Variants in SPEG observed in about 807,000 individuals in gnomAD.
The protein encoded by SPEG is striated muscle preferentially expressed protein kinase.
A neutral mutation model predicts 300.4 loss-of-function variants in SPEG; 114 were observed. The ratio of observed to expected loss-of-function variants is 0.38; its 90% confidence interval spans 0.33 to 0.44. The LOEUF is 0.44. Among genes scored for constraint, SPEG ranks in the 20% least tolerant of loss-of-function variants. The probability of loss-of-function intolerance (pLI) is 1.00; values close to 1 mark genes in which losing one functional copy is unlikely to be tolerated. For synonymous variants in SPEG, 1,964 were observed against 2,018.9 expected (o/e 0.97, Z 0.73); for missense variants, 4,201 against 4,586.2 (o/e 0.92, Z 2.43).
chr2:219,443,655 G>A lies in SPEG; in HGVS notation c.389-998G>A. Reference sequence around the variant, plus strand: ...GATAAGGGGTTGGTTTGCAAAGAGGGGTCAAAGCACAATGCAAATATTGTA... The same window carrying A: ...GATAAGGGGTTGGTTTGCAAAGAGGAGTCAAAGCACAATGCAAATATTGTA... On this transcript the variant is annotated intron_variant, in intron 1 of 40. Coordinates refer to ENST00000312358, the MANE Select transcript of SPEG (RefSeq NM_005876.5). The surrounding 1 kb of genome is among the most constrained non-coding windows in gnomAD (Gnocchi z 4.6). The A allele has an allele frequency of 3.2e-6, 1 of 312,538 alleles. No individual in the cohort carries two copies. The highest frequency in any genetic ancestry group is 6.3e-6 in the Non-Finnish European group (1 of 157,924). 19.4% of individuals were successfully genotyped at this position (312,538 alleles called of 1,614,324 possible).
At position 219,483,706 on chromosome 2, in the gene SPEG, T is replaced by C. The variant is rs375825344; in HGVS notation, c.6243T>C (p.Asp2081=). Reference sequence around the variant, plus strand: ...GGCTGCTGCGGGGAGGCCCCGAGGATGGCAAGGTCAGCGGCCTCAGGGGTC... The same window carrying C: ...GGCTGCTGCGGGGAGGCCCCGAGGACGGCAAGGTCAGCGGCCTCAGGGGTC... The part of the protein sequence containing the change: ...RQRLLRGGPE[D]GKVSGLRGPL... The change falls in exon 30 of 41, where the codon GAT becomes GAC. Residue 2081 remains aspartate (D), a synonymous_variant. Coordinates refer to ENST00000312358, the MANE Select transcript of SPEG (RefSeq NM_005876.5). 484 of 1,534,150 alleles carry C rather than the reference T, an allele frequency of 3.2e-4. 3 individuals carry two copies. In the African/African-American group the frequency reaches 5.7e-3, roughly 18 times the overall value.
In SPEG at chr2:219,443,245, C is replaced by G. The variant is rs1689058265; in HGVS notation, c.389-1408C>G. 1 of 1,254,814 alleles carries G rather than the reference C, an allele frequency of 8.0e-7. No individual in the cohort carries two copies. The highest frequency in any genetic ancestry group is 1.2e-6 in the Non-Finnish European group (1 of 853,068). The allele number at this position is 1,254,814 out of a possible 1,614,324, so 77.7% of individuals were successfully genotyped here. On this transcript the variant is annotated intron_variant, in intron 1 of 40. Transcript: ENST00000312358. The surrounding 1 kb of genome is among the most constrained non-coding windows in gnomAD (Gnocchi z 4.6). ...AGGCATCGAGTTCCTGAAGACAGCCCATGAGATGTGGAACCCTCCCACTCA... is the reference window on the plus strand; with the variant it reads ...AGGCATCGAGTTCCTGAAGACAGCCGATGAGATGTGGAACCCTCCCACTCA...
chr2:219,479,687 C>A lies in SPEG; in HGVS notation c.5086-96C>A. On this transcript the variant is annotated intron_variant, in intron 23 of 40. Coordinates refer to ENST00000312358, the MANE Select transcript of SPEG (RefSeq NM_005876.5). The surrounding 1 kb of genome is among the most constrained non-coding windows in gnomAD (Gnocchi z 5.5). Reference sequence around the variant, plus strand: ...GCCCCTTCCACGAGCCATCTGAAGGCTACTCCACAGGCACAGCCGGACCGC... The same window carrying A: ...GCCCCTTCCACGAGCCATCTGAAGGATACTCCACAGGCACAGCCGGACCGC... 8.9e-7 allele frequency: 1 copy of A among 1,117,846 alleles called. No individual in the cohort carries two copies. Among genetic ancestry groups the A allele is most frequent in the South Asian group, 1.3e-5 (1 of 79,610 alleles). The allele number at this position is 1,117,846 out of a possible 1,614,324, so 69.2% of individuals were successfully genotyped here. A position where few individuals can be genotyped will look rare whatever the true frequency, so the allele number is the denominator to read the frequency against.
At chr2:219,460,919 C>T (rs1559382922) in intron 6 of SPEG, 27 of 986,034 alleles carry the variant, frequency 2.7e-5, no homozygotes, top group Non-Finnish European at 3.1e-5. Flanking sequence ...GGGCAGTGGG[C>T]AGGCAGCAGG....
intron 6 of SPEG, among the ~76,000 whole-genome samples, chr2:219,460,047 A>C (rs1690520686): frequency 6.6e-6 from 1 of 152,166 alleles, no homozygotes; most frequent in South Asian, 2.1e-4. Flanking sequence ...ATGGGTTCTC[A>C]TGATAAGGGG....
At chr2:219,449,374 C>T (rs900137717) in intron 4 of SPEG, 103 bp downstream of exon 4, 18 of 936,322 alleles carry the variant, frequency 1.9e-5, no homozygotes, top group Non-Finnish European at 2.6e-5. Flanking sequence ...GGGGTTTCGC[C>T]TGGGGCTGCT....
At chr2:219,463,255 C>T (rs1690903226) in intron 8 of SPEG, among the ~76,000 whole-genome samples, 2 of 152,006 alleles carry the variant, frequency 1.3e-5, no homozygotes, top group South Asian at 4.2e-4. Context: ...CTGCCAGCAG[C>T]CCCGAGTTAA....
intron 13 of SPEG, chr2:219,471,572 G>A (rs1376056163): frequency 1.2e-5 from 5 of 419,790 alleles, no homozygotes; most frequent in East Asian, 4.9e-5. Context: ...GACCCCAGAG[G>A]GTGGCCCAGT....
intron 3 of SPEG, among the ~76,000 whole-genome samples, chr2:219,446,774 CT>C (rs905761785): frequency 6.6e-6 from 1 of 152,154 alleles, no homozygotes; most frequent in African/African-American, 2.4e-5. Context: ...GGCATTTAAT[CT>C]TTTTTATGCC....
In SPEG at chr2:219,439,351, A is replaced by G. The variant is rs182675138; in HGVS notation, c.388+3986A>G. Among the ~76,000 whole-genome samples the G allele has an allele frequency of 1.9e-3, 297 of 152,308 alleles. 1 individual carries two copies. The highest frequency in any genetic ancestry group is 3.6e-3 in the Non-Finnish European group (242 of 68,024). On this transcript the variant is annotated intron_variant, in intron 1 of 40. Coordinates refer to ENST00000312358, the MANE Select transcript of SPEG (RefSeq NM_005876.5). The surrounding 1 kb of genome is among the most constrained non-coding windows in gnomAD (Gnocchi z 4.5). ...AGGGAGACCAAAATTTATGTCCTCC[A>G]GGGGATAACTTTCTAGTGAGGGGAG...
rs928913764 is a variant in SPEG at position 219,480,524 on chromosome 2, T to C, written c.5343-147T>C. 2.5e-6 allele frequency: 2 copies of C among 802,876 alleles called. No homozygotes were observed. The highest frequency in any genetic ancestry group is 2.1e-6 in the Non-Finnish European group (1 of 467,378). The allele number at this position is 802,876 out of a possible 1,614,324, so 49.7% of individuals were successfully genotyped here. A position where few individuals can be genotyped will look rare whatever the true frequency, so the allele number is the denominator to read the frequency against. On this transcript the variant is annotated intron_variant, in intron 25 of 40. Coordinates refer to ENST00000312358, the MANE Select transcript of SPEG (RefSeq NM_005876.5). This position sits in a 1 kb window ranked among gnomAD's most constrained non-coding sequence, Gnocchi z 5.3. ...ATCTGGACCTGTAGGTTCAGGGTCC[T>C]CCCTGAAGAAGCCACTCCTGTGCCC...
rs1689748410 is a variant in SPEG, at chr2:219,451,552, G to A, written c.2258-73G>A. 7 of 1,382,006 alleles carry A rather than the reference G, an allele frequency of 5.1e-6. No homozygotes were observed. The South Asian group carries it at 1.0e-4, about 20-fold the overall frequency. The allele number at this position is 1,382,006 out of a possible 1,614,324, so 85.6% of individuals were successfully genotyped here. A position where few individuals can be genotyped will look rare whatever the true frequency, so the allele number is the denominator to read the frequency against. ...AGAGGTTTGGTCTCCTGTGTGGTGT[G>A]TGGGGTAGGAGTAGAGATTCTCAGT... On this transcript the variant is annotated intron_variant, in intron 5 of 40. Coordinates refer to ENST00000312358, the MANE Select transcript of SPEG (RefSeq NM_005876.5). This position sits in a 1 kb window ranked among gnomAD's most constrained non-coding sequence, Gnocchi z 6.4.
Position 219,489,318 on chromosome 2 carries a change from A to AT in SPEG, c.8318-14dup, listed in dbSNP as rs768393415. ...CTTGCCCCAAGGCACCACGGTGATGATTTTCTCTCTCTCTTAGATTCTTCA... is the reference window on the plus strand; with the variant it reads ...CTTGCCCCAAGGCACCACGGTGATGATTTTTCTCTCTCTCTTAGATTCTTCA... On this transcript the variant is annotated splice_polypyrimidine_tract_variant and intron_variant, in intron 35 of 40. Transcript: ENST00000312358. 2 of 1,612,952 alleles carry AT rather than the reference A, an allele frequency of 1.2e-6. No individual in the cohort carries two copies. Among genetic ancestry groups the AT allele is most frequent in the Non-Finnish European group, 1.7e-6 (2 of 1,179,696 alleles).
Position 219,473,102 on chromosome 2 carries a change from C to G in SPEG, c.4147+6C>G, listed in dbSNP as rs199897861. 141 of 1,612,218 alleles carry G rather than the reference C, an allele frequency of 8.7e-5. 1 individual carries two copies. In the African/African-American group the frequency reaches 1.7e-3, roughly 20 times the overall value. ...TGTGCAGCTGCTGGAGCACGGTGAG[C>G]CTGGGTGCTCCTGTCGGGTGGGGGT... On this transcript the variant is annotated splice_donor_region_variant and intron_variant, in intron 16 of 40. Coordinates refer to ENST00000312358, the MANE Select transcript of SPEG (RefSeq NM_005876.5). The surrounding 1 kb of genome is among the most constrained non-coding windows in gnomAD (Gnocchi z 4.6).
rs1691652011 is a variant in SPEG, at chr2:219,469,203, G to T, written c.3539G>T (p.Gly1180Val). ...TCCATTCCCGAGGAGCCAGAGCAGG[G>T]TGAGCTGGAGCGGCTGTCCATTCCT... ...MPSIPEEPEQGELERLSIPDF... is the reference protein window; with the variant it reads ...MPSIPEEPEQVELERLSIPDF... The change falls in exon 13 of 41, where the codon GGT becomes GTT. Residue 1180 changes from glycine to valine, a missense_variant. Transcript: ENST00000312358. 6.2e-7 allele frequency: 1 copy of T among 1,613,592 alleles called. No individual in the cohort carries two copies. Among genetic ancestry groups the T allele is most frequent in the African/African-American group, 1.3e-5 (1 of 74,912 alleles).
At position 219,459,371 on chromosome 2, in the gene SPEG, A is replaced by T. The variant is rs1471355522; in HGVS notation, c.2441-2511A>T. Among the ~76,000 whole-genome samples, 1 of 152,168 alleles carries T rather than the reference A, an allele frequency of 6.6e-6. No individual in the cohort carries two copies. The highest frequency in any genetic ancestry group is 1.5e-5 in the Non-Finnish European group (1 of 68,024). ...TTTTTGCTATGTGGCCAGGGAAAAA[A>T]CTAGGTGGCACCGGATTCTGGTATG... On this transcript the variant is annotated intron_variant, in intron 6 of 40. Coordinates refer to ENST00000312358, the MANE Select transcript of SPEG (RefSeq NM_005876.5). The surrounding 1 kb of genome is among the most constrained non-coding windows in gnomAD (Gnocchi z 4.9).
intron 8 of SPEG, among the ~76,000 whole-genome samples, chr2:219,463,684 G>A (rs546716595): frequency 4.6e-5 from 7 of 150,752 alleles, no homozygotes; most frequent in African/African-American, 1.5e-4. Context: ...GGGATTACAG[G>A]CATGAACCAC....
At chr2:219,441,998 G>C (rs1032179281) in intron 1 of SPEG, 2 of 411,098 alleles carry the variant, frequency 4.9e-6, no homozygotes, top group Non-Finnish European at 3.9e-6. Context: ...ACTCCGCCCC[G>C]CCCCCGCCCG....
intron 39 of SPEG, 98 bp from the exon 40 acceptor site, chr2:219,492,013 C>T (rs1278995814): frequency 7.1e-7 from 1 of 1,418,298 alleles, no homozygotes. Flanking sequence ...TGCACAGTAG[C>T]ATGGCCCTGA....
Sources: gnomAD v4.1 joint callset for allele counts (sites outside exome capture counted in the v4.1 genomes callset) on GRCh38, gnomAD v4.1.1 for gene constraint, Gnocchi (gnomAD v3.1) non-coding constraint, MANE v1.5 for transcripts, NCBI Gene and HGNC (gene_info 2026-07-23, HGNC 2026-07-21) for gene names.